Variants in XPO1 observed in about 807,000 individuals in gnomAD.
The protein encoded by XPO1 is exportin-1.
In XPO1, 5 loss-of-function variants were observed where a neutral mutation model predicts 133.3. The observed-to-expected ratio is 0.04, with a 90% CI of 0.02 to 0.08. XPO1 has a LOEUF of 0.08. Ranked by LOEUF, XPO1 falls within the 10% of genes least tolerant of loss-of-function variation. The pLI is 1.00. For missense variants in XPO1, 506 were observed against 1,267.5 expected (o/e 0.40, Z 9.12); for synonymous variants, 419 against 408.2 (o/e 1.03, Z -0.32).
intron 5 of XPO1, 85 bp from the exon 6 acceptor site, chr2:61,502,125 C>G: frequency 6.7e-7 from 1 of 1,493,750 alleles, no homozygotes; most frequent in South Asian, 1.2e-5. Context: ...ATGATTACAG[C>G]TCTACTGTAA....
intron 21 of XPO1, chr2:61,483,346 TGGACTTTGG>T: frequency 2.7e-6 from 1 of 364,820 alleles, no homozygotes; most frequent in Non-Finnish European, 4.9e-6. Flanking sequence ...GATCATATAA[TGGACTTTGG>T]GGACTTGTGG....
intron 4 of XPO1, among the ~76,000 whole-genome samples, chr2:61,517,412 T>C (rs2104692966): frequency 6.6e-6 from 1 of 152,218 alleles, no homozygotes; most frequent in South Asian, 2.1e-4. Context: ...AGGCAAACTG[T>C]GTCTCTATCA....
rs1005664917 is a variant in XPO1 at position 61,478,185 on chromosome 2, GCACA to G, written c.*631_*634del. ...AAAAAGCTGTTGTCGACAAGCGACA[GCACA>G]CACACACAAAAACAAAAAGAACTGT... is the stretch of plus-strand genomic sequence containing the variant. On this transcript the variant is annotated 3_prime_UTR_variant, in exon 25 of 25. Transcript: ENST00000401558. 2 of 233,238 alleles carry G rather than the reference GCACA, an allele frequency of 8.6e-6. No individual in the cohort carries two copies. The highest frequency in any genetic ancestry group is 6.0e-5 in the East Asian group (1 of 16,650). 14.4% of individuals were successfully genotyped at this position (233,238 alleles called of 1,614,324 possible).
At chr2:61,482,612 GTTTT>G in intron 22 of XPO1, 73 bp from the exon 23 acceptor site, 1 of 1,023,524 alleles carries the variant, frequency 9.8e-7, no homozygotes, top group Admixed American at 3.6e-5. Context: ...TTTTTGTTTT[GTTTT>G]TTTTTTTTAG....
chr2:61,490,539 T>C (rs1351421003), intron 17 of XPO1, 103 bp downstream of exon 17: 4 of 1,491,178 alleles, frequency 2.7e-6, no homozygotes, highest in East Asian at 2.3e-5. Flanking sequence ...AAAGCACTTA[T>C]GGATCACACA....
intron 7 of XPO1, 106 bp from the exon 8 acceptor site, chr2:61,499,019 TG>T (rs1448791400): frequency 1.6e-6 from 2 of 1,287,918 alleles, no homozygotes; most frequent in Non-Finnish European, 2.1e-6. Context: ...CAGTGGCTCA[TG>T]CCTGTAATCG....
intron 2 of XPO1, among the ~76,000 whole-genome samples, chr2:61,533,386 A>G (rs188923941): frequency 6.6e-6 from 1 of 152,348 alleles, no homozygotes; most frequent in East Asian, 1.9e-4. Flanking sequence ...AACTAACATA[A>G]AAATACTTGG....
intron 4 of XPO1, among the ~76,000 whole-genome samples, chr2:61,507,552 C>G (rs1697888839): frequency 6.6e-6 from 1 of 151,908 alleles, no homozygotes; most frequent in African/African-American, 2.4e-5. Context: ...GCCTGGGCAA[C>G]AGAGGGGATC....
chr2:61,494,474 G>A (rs994909226), intron 11 of XPO1: 5 of 187,546 alleles, frequency 2.7e-5, no homozygotes, highest in Admixed American at 5.8e-5. Context: ...TAAAAAGTGA[G>A]GTATTGATAC....
Position 61,513,380 on chromosome 2 carries a change from T to C in XPO1, c.301+9231A>G, listed in dbSNP as rs1038060413. ...CAGAATATCTTTTTTTTTTTTTTTT[T>C]TTTGAGAGAGAGTCTTGCTCTGTCA... On this transcript the variant is annotated intron_variant, in intron 4 of 24. Transcript: ENST00000401558. 8.1e-3 allele frequency among the ~76,000 whole-genome samples: 1,215 copies of C among 149,158 alleles called. 20 individuals are homozygous for C. Among genetic ancestry groups the C allele is most frequent in the Non-Finnish European group, 9.9e-3 (663 of 67,226 alleles).
At chr2:61,493,254 AAC>A (rs1697079587) in intron 12 of XPO1, 3 of 445,246 alleles carry the variant, frequency 6.7e-6, no homozygotes, top group Non-Finnish European at 1.2e-5. Flanking sequence ...CAGCTTGAGC[AAC>A]ACAAAATGAC....
intron 4 of XPO1, among the ~76,000 whole-genome samples, chr2:61,514,186 C>CAA (rs745472954): frequency 1.1e-4 from 13 of 113,756 alleles, no homozygotes; most frequent in Middle Eastern, 5.0e-3. Flanking sequence ...GGCTCCGTCT[C>CAA]AAAAAAAAAA....
At chr2:61,537,045 G>A (rs1699384846) in intron 1 of XPO1, 1 of 152,060 alleles carries the variant, frequency 6.6e-6, no homozygotes, top group East Asian at 1.9e-4. Flanking sequence ...CAAAACCGGA[G>A]AGCTTTCGAG....
At chr2:61,501,914 C>T in intron 6 of XPO1, 82 bp downstream of exon 6, 3 of 1,204,774 alleles carry the variant, frequency 2.5e-6, no homozygotes. Flanking sequence ...TATTAGTATA[C>T]TTTATTTCCT....
intron 20 of XPO1, 105 bp downstream of exon 20, chr2:61,485,663 C>T (rs1459848363): frequency 6.0e-6 from 6 of 997,116 alleles, no homozygotes; most frequent in Non-Finnish European, 1.4e-6. Context: ...AATATTTAAA[C>T]TCCATGGCAT....
At chr2:61,533,926 G>A (rs1573234621) in intron 1 of XPO1, 23 bp from the exon 2 acceptor site, 2 of 1,503,788 alleles carry the variant, frequency 1.3e-6, no homozygotes, top group Non-Finnish European at 8.9e-7. Flanking sequence ...AAAAAAAATT[G>A]AAGCTGCCTA....
rs1220382305 is a variant in XPO1 at position 61,492,233 on chromosome 2, G to A, written c.1724-35C>T. On this transcript the variant is annotated intron_variant, in intron 15 of 24. Transcript: ENST00000401558. This position sits in a 1 kb window ranked among gnomAD's most constrained non-coding sequence, Gnocchi z 5.6. ...CAAAAATATTCATTTATTTTGTCCT[G>A]GACTCCATCATGGGTCTCTAACAAG... 2.5e-6 allele frequency: 4 copies of A among 1,608,716 alleles called. No homozygotes were observed. Among genetic ancestry groups the A allele is most frequent in the Admixed American group, 3.4e-5 (2 of 58,674 alleles).
At chr2:61,493,077 A>C in intron 12 of XPO1, 24 bp from the exon 13 acceptor site, 1 of 1,544,058 alleles carries the variant, frequency 6.5e-7, no homozygotes, top group Non-Finnish European at 8.6e-7. Flanking sequence ...TATATCAATC[A>C]AGAAAAAAAT....
intron 9 of XPO1, 91 bp downstream of exon 9, chr2:61,498,582 T>C (rs1697354021): frequency 3.3e-6 from 5 of 1,496,718 alleles, no homozygotes; most frequent in African/African-American, 1.4e-5. Flanking sequence ...CAAGGTTGAA[T>C]AAGGTTTAGA....
Sources: gnomAD v4.1 joint callset for allele counts (sites outside exome capture counted in the v4.1 genomes callset) on GRCh38, gnomAD v4.1.1 for gene constraint, Gnocchi (gnomAD v3.1) non-coding constraint, MANE v1.5 for transcripts, NCBI Gene and HGNC (gene_info 2026-07-23, HGNC 2026-07-21) for gene names.